Variants in KMT2C observed in about 807,000 individuals in gnomAD.
The protein encoded by KMT2C is histone-lysine N-methyltransferase 2C.
A neutral mutation model predicts 507.9 loss-of-function variants in KMT2C; 88 were observed. The ratio of observed to expected loss-of-function variants is 0.17; its 90% confidence interval spans 0.15 to 0.21. KMT2C has a LOEUF of 0.21. Ranked by LOEUF, KMT2C falls within the 10% of genes least tolerant of loss-of-function variation. The pLI, the probability that KMT2C is intolerant of heterozygous loss-of-function variation, is 1.00. For synonymous variants in KMT2C, 2,049 were observed against 2,080.8 expected (o/e 0.98, Z 0.42); for missense variants, 4,954 against 5,957.8 (o/e 0.83, Z 5.55).
intron 5 of KMT2C, among the ~76,000 whole-genome samples, chr7:152,310,306 T>C (rs753837645): frequency 6.6e-6 from 1 of 152,194 alleles, no homozygotes; most frequent in Non-Finnish European, 1.5e-5. Context: ...CTGGGTGCAG[T>C]GGCTCACTCC....
intron 1 of KMT2C, among the ~76,000 whole-genome samples, chr7:152,385,471 G>A (rs1415282185): frequency 7.5e-6 from 1 of 133,106 alleles, no homozygotes; most frequent in Non-Finnish European, 1.5e-5. Context: ...AATTAGCCGG[G>A]CGTAGTGGCG....
At chr7:152,324,411 C>T (rs1286104120) in intron 3 of KMT2C, among the ~76,000 whole-genome samples, 1 of 151,734 alleles carries the variant, frequency 6.6e-6, no homozygotes, top group Non-Finnish European at 1.5e-5. Context: ...TGAATTGAAA[C>T]ATCACACTGT....
intron 14 of KMT2C, among the ~76,000 whole-genome samples, chr7:152,241,876 TG>T (rs1162991645): frequency 6.6e-6 from 1 of 152,256 alleles, no homozygotes; most frequent in East Asian, 1.9e-4. Flanking sequence ...CTGGTAATTA[TG>T]TATTATTCAT....
intron 42 of KMT2C, among the ~76,000 whole-genome samples, chr7:152,165,711 A>G (rs2092696540): frequency 6.6e-6 from 1 of 152,098 alleles, no homozygotes; most frequent in Admixed American, 6.6e-5. Flanking sequence ...TTTTGAGACA[A>G]GAGTTTTGCT....
chr7:152,166,374 G>A (rs1391061316), intron 42 of KMT2C, among the ~76,000 whole-genome samples: 5 of 151,872 alleles, frequency 3.3e-5, no homozygotes, highest in South Asian at 2.1e-4. Flanking sequence ...CACCCACCTC[G>A]GCCTCCCAAA....
At chr7:152,425,302 A>G (rs912487258) in intron 1 of KMT2C, among the ~76,000 whole-genome samples, 3 of 152,232 alleles carry the variant, frequency 2.0e-5, no homozygotes, top group Admixed American at 2.0e-4. Context: ...AGGGCCAGGC[A>G]CAGTGGCTCA....
chr7:152,302,444 A>C lies in KMT2C; in HGVS notation c.849+7522T>G, dbSNP rs536464618. On this transcript the variant is annotated intron_variant, in intron 6 of 58. Transcript: ENST00000262189. ...TCATCACATTGGCCAGGCTGGTTTC[A>C]AACTCCTGACCTCAGCCTCAGCCTC... Among the ~76,000 whole-genome samples the C allele has an allele frequency of 3.4e-4, 52 of 152,030 alleles. No individual in the cohort carries two copies. The Middle Eastern group carries it at 0.01, about 30-fold the overall frequency.
intron 6 of KMT2C, among the ~76,000 whole-genome samples, chr7:152,280,488 T>G (rs1192117708): frequency 6.8e-6 from 1 of 147,462 alleles, no homozygotes; most frequent in Admixed American, 6.9e-5. Flanking sequence ...GAGGCAGAGG[T>G]TGCAGTGAGC....
chr7:152,192,027 C>A (rs1485282581), intron 31 of KMT2C, among the ~76,000 whole-genome samples: 2 of 150,588 alleles, frequency 1.3e-5, no homozygotes, highest in Non-Finnish European at 3.0e-5. Flanking sequence ...CACATTAACA[C>A]CTTGCAAAAG....
chr7:152,337,856 ATTT>A (rs550943327), intron 2 of KMT2C, among the ~76,000 whole-genome samples: 1 of 140,684 alleles, frequency 7.1e-6, no homozygotes. Context: ...ATACAACTTG[ATTT>A]TTTTTTTTTT....
rs1327301705 is a variant in KMT2C at position 152,199,193 on chromosome 7, A to T, written c.4273+86T>A. 4 of 1,166,658 alleles carry T rather than the reference A, an allele frequency of 3.4e-6. No homozygotes were observed. In the Admixed American group the frequency reaches 1.2e-4, roughly 34 times the overall value. 72.3% of individuals were successfully genotyped at this position (1,166,658 alleles called of 1,614,324 possible). A position where few individuals can be genotyped will look rare whatever the true frequency, so the allele number is the denominator to read the frequency against. ...GATTTTTAAAATGCATATGAGGCCA[A>T]ACAAAAACATTTCAAAAAGATTTAA... is the stretch of plus-strand genomic sequence containing the variant. On this transcript the variant is annotated intron_variant, in intron 27 of 58. Coordinates refer to ENST00000262189, the MANE Select transcript of KMT2C (RefSeq NM_170606.3).
At chr7:152,425,450 G>A (rs553392921) in intron 1 of KMT2C, among the ~76,000 whole-genome samples, 9 of 152,162 alleles carry the variant, frequency 5.9e-5, no homozygotes, top group Non-Finnish European at 1.2e-4. Flanking sequence ...GTGGAGGGGC[G>A]CCTGTACTCT....
intron 1 of KMT2C, among the ~76,000 whole-genome samples, chr7:152,381,834 A>G (rs112954529): frequency 0.065 from 9,863 of 152,272 alleles, 401 homozygotes; most frequent in Non-Finnish European, 0.096. Flanking sequence ...GCAGTTAATT[A>G]CCACATTCTG....
chr7:152,283,145 T>C (rs982232310), intron 6 of KMT2C, among the ~76,000 whole-genome samples: 15 of 152,290 alleles, frequency 9.8e-5, no homozygotes, highest in Non-Finnish European at 1.5e-4. Context: ...TACACATAAC[T>C]TCCACATAAA....
At chr7:152,158,083 C>CTTTG (rs2092191233) in intron 44 of KMT2C, among the ~76,000 whole-genome samples, 1 of 152,172 alleles carries the variant, frequency 6.6e-6, no homozygotes, top group East Asian at 1.9e-4. Context: ...AGAGAGACTA[C>CTTTG]AGACCTTTGA....
At position 152,145,138 on chromosome 7, in the gene KMT2C, G is replaced by A. The variant is rs928621358; in HGVS notation, c.14174+15C>T. The A allele has an allele frequency of 6.2e-7, 1 of 1,612,984 alleles. No homozygotes were observed. Among genetic ancestry groups the A allele is most frequent in the Non-Finnish European group, 8.5e-7 (1 of 1,179,662 alleles). ...GAAACCCTGGGCTGTACTATGTGAA[G>A]TTAAAACAAAATACCTTAACACAAA... On this transcript the variant is annotated intron_variant, in intron 54 of 58. Coordinates refer to ENST00000262189, the MANE Select transcript of KMT2C (RefSeq NM_170606.3).
Position 152,187,491 on chromosome 7 carries a change from ATATCT to A in KMT2C, c.4794-20_4794-16del. 6.3e-7 allele frequency: 1 copy of A among 1,594,318 alleles called. No homozygotes were observed. Among genetic ancestry groups the A allele is most frequent in the Non-Finnish European group, 8.6e-7 (1 of 1,162,632 alleles). ...AATTTTTATCCCTGGGAAAAAATAA[ATATCT>A]TTACTTTATGAACATAAAATAACTT... On this transcript the variant is annotated splice_polypyrimidine_tract_variant and intron_variant, in intron 32 of 58. Coordinates refer to ENST00000262189, the MANE Select transcript of KMT2C (RefSeq NM_170606.3).
chr7:152,260,006 T>C (rs1043109716), intron 9 of KMT2C, among the ~76,000 whole-genome samples: 1 of 152,212 alleles, frequency 6.6e-6, no homozygotes, highest in African/African-American at 2.4e-5. Context: ...GTACTTACTT[T>C]GTGTTAGGCA....
intron 1 of KMT2C, among the ~76,000 whole-genome samples, chr7:152,431,336 T>C (rs867077300): frequency 1.3e-5 from 2 of 152,124 alleles, no homozygotes; most frequent in Non-Finnish European, 2.9e-5. Flanking sequence ...CGGTGTTTCA[T>C]GTCTGTAATC....
Sources: gnomAD v4.1 joint callset for allele counts (sites outside exome capture counted in the v4.1 genomes callset) on GRCh38, gnomAD v4.1.1 for gene constraint, MANE v1.5 for transcripts, NCBI Gene and HGNC (gene_info 2026-07-23, HGNC 2026-07-21) for gene names.